Variants in HDAC9 observed in about 807,000 individuals in gnomAD.
HDAC9 encodes histone deacetylase 9.
HDAC9 carries 41 observed loss-of-function variants against 139.4 expected under a neutral mutation model. The ratio of observed to expected loss-of-function variants is 0.29; its 90% CI spans 0.23 to 0.38. The LOEUF is 0.38. Ranked by LOEUF, HDAC9 falls within the 10% of genes least tolerant of loss-of-function variation. The pLI, the probability that HDAC9 is intolerant of heterozygous loss-of-function variation, is 1.00. For synonymous variants in HDAC9, 517 were observed against 476.2 expected, an observed-to-expected ratio of 1.09 and a Z score of -1.12; for missense variants, 1,147 against 1,297.0, an observed-to-expected ratio of 0.88 and a Z score of 1.78.
chr7:18,601,395 T>C (rs542948740), intron 6 of HDAC9, among the ~76,000 whole-genome samples: 1 of 152,318 alleles, frequency 6.6e-6, no homozygotes, highest in African/African-American at 2.4e-5. Context: ...ATTTTCTGCA[T>C]AGACGATGTG....
intron 23 of HDAC9, among the ~76,000 whole-genome samples, chr7:18,945,706 A>G (rs997393578): frequency 4.6e-5 from 7 of 152,054 alleles, no homozygotes; most frequent in African/African-American, 7.2e-5. Context: ...GTTTGTTTCA[A>G]TGTGAATATA....
intron 1 of HDAC9, among the ~76,000 whole-genome samples, chr7:18,153,350 C>T (rs549981042): frequency 8.3e-6 from 1 of 121,020 alleles, no homozygotes; most frequent in Non-Finnish European, 1.7e-5. Context: ...ATGGAATTTT[C>T]TGGGGTCAAA....
At chr7:18,189,847 G>A (rs1790205905) in intron 2 of HDAC9, among the ~76,000 whole-genome samples, 1 of 152,118 alleles carries the variant, frequency 6.6e-6, no homozygotes. Context: ...ACATTTTTAA[G>A]AGCATGAGAT....
intron 2 of HDAC9, 96 bp from the exon 3 acceptor site, chr7:18,585,185 G>T: frequency 2.2e-6 from 3 of 1,374,302 alleles, no homozygotes; most frequent in Non-Finnish European, 3.0e-6. Context: ...GTTGTACAGG[G>T]TCTTATACTT....
At chr7:18,557,346 T>TG (rs1008678358) in intron 2 of HDAC9, among the ~76,000 whole-genome samples, 6 of 151,418 alleles carry the variant, frequency 4.0e-5, no homozygotes, top group Non-Finnish European at 8.9e-5. Context: ...TGAGTTTTTT[T>TG]TTTTTTTTTT....
intron 24 of HDAC9, among the ~76,000 whole-genome samples, chr7:18,968,958 CAAAAAAAAAAAA>C (rs34379636): frequency 4.4e-5 from 2 of 45,182 alleles, no homozygotes; most frequent in African/African-American, 1.9e-4. Context: ...GCCTCCCTCT[CAAAAAAAAAAAA>C]AAAAAAAAAA....
chr7:18,353,851 G>GT (rs554633206), intron 1 of HDAC9, among the ~76,000 whole-genome samples: 40 of 152,240 alleles, frequency 2.6e-4, no homozygotes, highest in African/African-American at 9.4e-4. Flanking sequence ...TAAGGGATAG[G>GT]TTTTATAGAA....
chr7:18,398,603 C>T lies in HDAC9; in HGVS notation c.-41-97659C>T, dbSNP rs188732137. On this transcript the variant is annotated intron_variant, in intron 1 of 3. Transcript: ENST00000413509. ...AAAGATACAGGATTGTGCGTATGAGCCTTTGCTCAACCCAGTGCTTGAGCT... is the reference window on the plus strand; with the variant it reads ...AAAGATACAGGATTGTGCGTATGAGTCTTTGCTCAACCCAGTGCTTGAGCT... Among the ~76,000 whole-genome samples the T allele has an allele frequency of 9.2e-5, 14 of 152,114 alleles. No individual in the cohort carries two copies. In the East Asian group the frequency reaches 2.5e-3, roughly 27 times the overall value.
At chr7:18,943,011 G>T (rs1782125112) in intron 23 of HDAC9, among the ~76,000 whole-genome samples, 1 of 151,898 alleles carries the variant, frequency 6.6e-6, no homozygotes, top group African/African-American at 2.4e-5. Flanking sequence ...GATTAAAAAA[G>T]CAAATAAAGA....
chr7:18,431,801 C>G (rs1790695472), intron 1 of HDAC9, among the ~76,000 whole-genome samples: 1 of 152,200 alleles, frequency 6.6e-6, no homozygotes, highest in Admixed American at 6.5e-5. Flanking sequence ...CCTTCAGACT[C>G]AAACATTAAT....
intron 19 of HDAC9, among the ~76,000 whole-genome samples, chr7:18,832,741 T>A (rs28687594): frequency 0.013 from 1,910 of 145,706 alleles, 16 homozygotes; most frequent in African/African-American, 0.022. Flanking sequence ...ATATATATAT[T>A]TTTTTTTTCT....
intron 1 of HDAC9, among the ~76,000 whole-genome samples, chr7:18,109,099 A>G (rs1399128090): frequency 6.6e-6 from 1 of 152,192 alleles, no homozygotes; most frequent in African/African-American, 2.4e-5. Flanking sequence ...CTTCCTGGGG[A>G]AAGTGGATAA....
chr7:18,908,236 CTTTAA>C (rs1802441979), intron 22 of HDAC9, among the ~76,000 whole-genome samples: 3 of 151,930 alleles, frequency 2.0e-5, no homozygotes, highest in African/African-American at 7.2e-5. Flanking sequence ...TCTTTGTACT[CTTTAA>C]AAAAAATTTT....
intron 2 of HDAC9, among the ~76,000 whole-genome samples, chr7:18,583,581 A>T (rs1387527786): frequency 2.8e-5 from 4 of 145,214 alleles, no homozygotes; most frequent in Admixed American, 6.9e-5. Flanking sequence ...CCCAGCTATA[A>T]AAAAAAAAAA....
intron 8 of HDAC9, among the ~76,000 whole-genome samples, chr7:18,637,349 A>G (rs1246473357): frequency 1.3e-5 from 2 of 152,106 alleles, no homozygotes; most frequent in Non-Finnish European, 2.9e-5. Context: ...AGTATACATC[A>G]GTGAAGAAAG....
intron 1 of HDAC9, among the ~76,000 whole-genome samples, chr7:18,118,530 G>A (rs1031155740): frequency 2.6e-5 from 4 of 152,024 alleles, no homozygotes; most frequent in African/African-American, 9.7e-5. Flanking sequence ...TTTCTAGCTT[G>A]CTTGACAATT....
At chr7:18,581,010 A>G (rs919192128) in intron 2 of HDAC9, among the ~76,000 whole-genome samples, 2 of 152,152 alleles carry the variant, frequency 1.3e-5, no homozygotes, top group African/African-American at 2.4e-5. Context: ...TAATGTTAAA[A>G]ATAGAAAGAA....
Position 18,369,466 on chromosome 7 carries a change from T to C in HDAC9, c.-42+78951T>C, listed in dbSNP as rs117629679. 9.7e-3 allele frequency among the ~76,000 whole-genome samples: 1,477 copies of C among 152,164 alleles called. 12 individuals are homozygous for C. The highest frequency in any genetic ancestry group is 0.015 in the Non-Finnish European group (995 of 67,984). On this transcript the variant is annotated intron_variant, in intron 1 of 3. Coordinates refer to the HDAC9 transcript ENST00000413509. Reference sequence around the variant, plus strand: ...TTCTCCTCTGTTTCTTTACCTTTTCTTTTTCCTTTTTTTCTTTCTCCTCCC... The same window carrying C: ...TTCTCCTCTGTTTCTTTACCTTTTCCTTTTCCTTTTTTTCTTTCTCCTCCC...
At chr7:18,407,583 C>T (rs973199824) in intron 1 of HDAC9, among the ~76,000 whole-genome samples, 1 of 152,104 alleles carries the variant, frequency 6.6e-6, no homozygotes, top group Non-Finnish European at 1.5e-5. Flanking sequence ...TCCCATTGTT[C>T]ACACAGTCTC....
Sources: allele counts gnomAD v4.1 joint callset (sites outside exome capture counted in the v4.1 genomes callset), GRCh38; gene constraint gnomAD v4.1.1; transcripts MANE v1.5; gene names NCBI Gene and HGNC (gene_info 2026-07-23, HGNC 2026-07-21).